The following TNFSF13B variants were observed in gnomAD, a reference collection of about 807,000 sequenced individuals.
TNFSF13B encodes tumor necrosis factor ligand superfamily member 13B.
In TNFSF13B, 8 loss-of-function variants were observed where a neutral mutation model predicts 29.1. The ratio of observed to expected loss-of-function variants is 0.27; its 90% confidence interval spans 0.16 to 0.50. TNFSF13B has a LOEUF of 0.50. Among genes scored for constraint, TNFSF13B ranks in the 20% least tolerant of loss-of-function variants. TNFSF13B has a pLI of 0.98. For missense variants in TNFSF13B, 248 were observed against 334.9 expected (o/e 0.74, Z 2.03); for synonymous variants, 125 against 130.8 (o/e 0.96, Z 0.30).
chr13:108,290,217 A>G (rs1881265270), intron 3 of TNFSF13B, among the ~76,000 whole-genome samples: 5 of 152,176 alleles, frequency 3.3e-5, no homozygotes, highest in South Asian at 4.1e-4. Context: ...GCCTGTGTAC[A>G]GAGATCCTCA....
At chr13:108,275,852 G>A (rs1880749193) in intron 2 of TNFSF13B, among the ~76,000 whole-genome samples, 1 of 152,056 alleles carries the variant, frequency 6.6e-6, no homozygotes. Context: ...TTCTACTAAT[G>A]ATTTTATGTT....
At chr13:108,279,314 A>G (rs1229602184) in intron 2 of TNFSF13B, among the ~76,000 whole-genome samples, 1 of 152,228 alleles carries the variant, frequency 6.6e-6, no homozygotes, top group East Asian at 1.9e-4. Flanking sequence ...AATTGCGTGT[A>G]TAGTAACATG....
intron 2 of TNFSF13B, among the ~76,000 whole-genome samples, chr13:108,285,484 C>T (rs1594523696): frequency 6.6e-6 from 1 of 152,108 alleles, no homozygotes; most frequent in South Asian, 2.1e-4. Flanking sequence ...CCTAGGCTAC[C>T]AACTTGTACA....
chr13:108,277,560 C>G (rs186853872), intron 2 of TNFSF13B, among the ~76,000 whole-genome samples: 8 of 151,954 alleles, frequency 5.3e-5, no homozygotes, highest in Non-Finnish European at 2.9e-5. Flanking sequence ...AAATTCGGGG[C>G]GAATCCACAG....
Position 108,276,530 on chromosome 13 carries a change from C to T in TNFSF13B, c.424+6106C>T, listed in dbSNP as rs368456556. On this transcript the variant is annotated intron_variant, in intron 2 of 5. Transcript: ENST00000375887. ...TCTCTTTTACACAATCTTACATTAT[C>T]GTGAGTTGAAGAGAAACAGAAAAAT... 3.5e-4 allele frequency among the ~76,000 whole-genome samples: 53 copies of T among 152,052 alleles called. 2 individuals are homozygous for T. In the South Asian group the frequency reaches 7.5e-3, roughly 21 times the overall value.
rs764598722 is a variant in TNFSF13B at position 108,270,321 on chromosome 13, G to C, written c.340-19G>C. On this transcript the variant is annotated intron_variant, in intron 1 of 5. Coordinates refer to ENST00000375887, the MANE Select transcript of TNFSF13B (RefSeq NM_006573.5). ...GCCTCAGCTGTCTTTCTAATAACTT[G>C]AAGTTTTTCTGTTCATAGATCTTTG... The C allele has an allele frequency of 5.0e-6, 8 of 1,613,992 alleles. No individual in the cohort carries two copies. In the East Asian group the frequency reaches 1.3e-4, roughly 27 times the overall value.
intron 2 of TNFSF13B, among the ~76,000 whole-genome samples, chr13:108,280,877 C>T (rs1004335795): frequency 2.6e-5 from 4 of 152,244 alleles, no homozygotes; most frequent in South Asian, 4.1e-4. Context: ...CACACACACA[C>T]GCAAGTTACA....
chr13:108,273,241 T>C (rs967085071), intron 2 of TNFSF13B, among the ~76,000 whole-genome samples: 9 of 152,114 alleles, frequency 5.9e-5, no homozygotes, highest in African/African-American at 2.2e-4. Flanking sequence ...TGGATTTTTT[T>C]TTTCAATAAA....
At chr13:108,303,121 TTTTC>T (rs999061905) in intron 3 of TNFSF13B, 128 bp from the exon 4 acceptor site, 109 of 731,484 alleles carry the variant, frequency 1.5e-4, no homozygotes, top group Middle Eastern at 3.5e-4. Context: ...TTTTCCTTTT[TTTTC>T]TTTCTTTCTT....
chr13:108,298,313 G>A lies in TNFSF13B; in HGVS notation c.482-4940G>A, dbSNP rs965095238. 3.7e-4 allele frequency among the ~76,000 whole-genome samples: 54 copies of A among 145,218 alleles called. 11 individuals are homozygous for A. Among genetic ancestry groups the A allele is most frequent in the African/African-American group, 1.3e-3 (51 of 38,582 alleles). On this transcript the variant is annotated intron_variant, in intron 3 of 5. Transcript: ENST00000375887. ...AAAAAAGAATAACGAAAAGTGAACA[G>A]ATTATAAGAGACCCCCCAGGATACA... is the stretch of plus-strand genomic sequence containing the variant.
In TNFSF13B at chr13:108,297,104, C is replaced by A. The variant is rs1881476513; in HGVS notation, c.482-6149C>A. On this transcript the variant is annotated intron_variant, in intron 3 of 5. Coordinates refer to ENST00000375887, the MANE Select transcript of TNFSF13B (RefSeq NM_006573.5). ...TTAGTGCTTTTTGTTTTATTTCTATCTCCTTTAGCATTTCTCACAGGGTAA... is the reference window on the plus strand; with the variant it reads ...TTAGTGCTTTTTGTTTTATTTCTATATCCTTTAGCATTTCTCACAGGGTAA... Among the ~76,000 whole-genome samples the A allele has an allele frequency of 1.4e-5, 2 of 145,188 alleles. 1 individual carries two copies. Among genetic ancestry groups the A allele is most frequent in the South Asian group, 4.3e-4 (2 of 4,672 alleles).
intron 2 of TNFSF13B, among the ~76,000 whole-genome samples, chr13:108,271,899 ACT>A (rs1449803081): frequency 1.3e-5 from 2 of 152,006 alleles, no homozygotes; most frequent in Non-Finnish European, 2.9e-5. Flanking sequence ...TTTGCACAGA[ACT>A]CTTTTATTTC....
intron 3 of TNFSF13B, among the ~76,000 whole-genome samples, chr13:108,292,147 TG>T (rs1881334484): frequency 1.3e-5 from 2 of 152,068 alleles, no homozygotes; most frequent in Admixed American, 1.3e-4. Context: ...TGTCTCCCCA[TG>T]CCCCTGTACC....
intron 5 of TNFSF13B, 93 bp from the exon 6 acceptor site, chr13:108,306,733 T>G: frequency 1.8e-6 from 1 of 545,116 alleles, no homozygotes; most frequent in South Asian, 2.3e-5. Flanking sequence ...TATGTTAACA[T>G]TTTTTTTTTA....
chr13:108,272,231 T>C (rs1880639206), intron 2 of TNFSF13B, among the ~76,000 whole-genome samples: 1 of 152,136 alleles, frequency 6.6e-6, no homozygotes, highest in African/African-American at 2.4e-5. Context: ...TATAACTGTC[T>C]CCACTTGTCT....
intron 2 of TNFSF13B, among the ~76,000 whole-genome samples, chr13:108,282,020 G>GTC (rs1880971993): frequency 6.6e-6 from 1 of 151,982 alleles, no homozygotes; most frequent in Non-Finnish European, 1.5e-5. Context: ...TTTACCAAAT[G>GTC]ATAAGTTTTG....
intron 3 of TNFSF13B, among the ~76,000 whole-genome samples, chr13:108,300,387 A>G (rs980577598): frequency 7.2e-5 from 11 of 152,164 alleles, no homozygotes; most frequent in African/African-American, 2.2e-4. Context: ...AAAATTTAGT[A>G]TCTCTCAAGT....
chr13:108,305,990 A>G (rs1881765191), intron 5 of TNFSF13B, among the ~76,000 whole-genome samples: 1 of 152,104 alleles, frequency 6.6e-6, no homozygotes, highest in African/African-American at 2.4e-5. Context: ...GACAGTTTTA[A>G]TGTTTGTTAG....
At chr13:108,286,650 A>C (rs1204418195) in intron 2 of TNFSF13B, among the ~76,000 whole-genome samples, 153 bp from the exon 3 acceptor site, 1 of 152,126 alleles carries the variant, frequency 6.6e-6, no homozygotes, top group African/African-American at 2.4e-5. Context: ...TCAATGGGCA[A>C]ATATAAAGTA....
Sources: gnomAD v4.1 joint callset for allele counts (sites outside exome capture counted in the v4.1 genomes callset) on GRCh38, gnomAD v4.1.1 for gene constraint, MANE v1.5 for transcripts, NCBI Gene and HGNC (gene_info 2026-07-23, HGNC 2026-07-21) for gene names.